The following AXL variants were observed in gnomAD, a reference collection of about 807,000 sequenced individuals.
AXL encodes the protein tyrosine-protein kinase receptor UFO.
AXL carries 52 observed loss-of-function variants against 104.5 expected under a neutral mutation model. That is an observed-to-expected ratio of 0.50 (90% CI 0.40 to 0.63). AXL has a LOEUF of 0.63. Ranked by LOEUF, AXL falls within the 20% of genes least tolerant of loss-of-function variation. AXL has a pLI of 0.00. For missense variants in AXL, 1,024 were observed against 1,188.5 expected, an observed-to-expected ratio of 0.86 and a Z score of 2.04; for synonymous variants, 455 against 473.7, an observed-to-expected ratio of 0.96 and a Z score of 0.51.
chr19:41,259,472 T>C, intron 19 of AXL, 81 bp from the exon 20 acceptor site: 1 of 1,247,210 alleles, frequency 8.0e-7, no homozygotes, highest in Non-Finnish European at 1.1e-6. Flanking sequence ...CCCCTGAGTG[T>C]CCTAAAATGT....
intron 17 of AXL, among the ~76,000 whole-genome samples, chr19:41,254,091 C>T (rs1008818089): frequency 2.0e-5 from 3 of 151,642 alleles, no homozygotes; most frequent in African/African-American, 7.3e-5. Context: ...AATCAAACTC[C>T]CCACCAATGG....
chr19:41,230,412 G>A (rs2033959636), intron 4 of AXL, among the ~76,000 whole-genome samples: 1 of 151,054 alleles, frequency 6.6e-6, no homozygotes, highest in Non-Finnish European at 1.5e-5. Flanking sequence ...TCTATCTGGG[G>A]TGTAAGAGTG....
chr19:41,231,259 CCT>C lies in AXL; in HGVS notation c.745_746del (p.Leu249GlufsTer89). 1 of 1,613,800 alleles carries C rather than the reference CCT, an allele frequency of 6.2e-7. No homozygotes were observed. On this transcript the variant is annotated frameshift_variant, in exon 6 of 20. Transcript: ENST00000301178. LOFTEE classifies it high-confidence loss of function. ...AGCTGGAGGTGGCTTGGACTCCAGG[CCT>C]GAGCGGCATCTACCCCCTGACCCAC... ...TELEVAWTPGLSGIYPLTHCT... is the reference protein window; with the variant it reads ...TELEVAWTPGXSGIYPLTHCT...
At position 41,256,765 on chromosome 19, in the gene AXL, T is replaced by C. The variant is rs2304231; in HGVS notation, c.2196+154T>C. ...CACATGGGCTGGGCATGTCTTGGGG[T>C]ATGGTGGGCATCTCTGAATAGTGGT... On this transcript the variant is annotated intron_variant, in intron 18 of 19. Coordinates refer to ENST00000301178, the MANE Select transcript of AXL (RefSeq NM_021913.5). Among the ~76,000 whole-genome samples the C allele has an allele frequency of 0.15, 22,750 of 152,124 alleles. 1,835 individuals are homozygous for C. Among genetic ancestry groups the C allele is most frequent in the East Asian group, 0.28 (1,429 of 5,162 alleles).
At chr19:41,231,115 G>A (rs2033980162) in intron 5 of AXL, 68 bp downstream of exon 5, 2 of 1,611,256 alleles carry the variant, frequency 1.2e-6, no homozygotes, top group Non-Finnish European at 8.5e-7. Flanking sequence ...TCAGAGTGGG[G>A]GCAGAGAGCA....
chr19:41,259,841 T>C lies in AXL; in HGVS notation c.2622T>C (p.Pro874=), dbSNP rs1445512860. 2 of 1,612,286 alleles carry C rather than the reference T, an allele frequency of 1.2e-6. No homozygotes were observed. The highest frequency in any genetic ancestry group is 8.5e-7 in the Non-Finnish European group (1 of 1,179,022). ...ATGTCCTCTGCCCTTCCACAACCCC[T>C]AGCCCCGCTCAGCCTGCTGATAGGG... ...GRYVLCPSTT[P]SPAQPADRGS... Residue 874 remains proline (P), a synonymous_variant, in exon 20 of 20, where the codon CCT becomes CCC. Transcript: ENST00000301178.
intron 4 of AXL, among the ~76,000 whole-genome samples, chr19:41,225,027 G>A (rs542173405): frequency 3.9e-5 from 6 of 152,068 alleles, no homozygotes; most frequent in Admixed American, 6.6e-5. Context: ...GTTTTGAGAC[G>A]GAGTCTCACT....
intron 11 of AXL, 26 bp downstream of exon 11, chr19:41,243,041 T>C (rs2034211311): frequency 1.2e-6 from 2 of 1,613,802 alleles, no homozygotes. Context: ...ATGGGGAGGC[T>C]GTGTGGCCTG....
At position 41,222,068 on chromosome 19, in the gene AXL, G is replaced by A. The variant is rs1203775657; in HGVS notation, c.586+12G>A. 2.6e-6 allele frequency: 4 copies of A among 1,533,868 alleles called. No individual in the cohort carries two copies. Among genetic ancestry groups the A allele is most frequent in the African/African-American group, 2.8e-5 (2 of 72,184 alleles). ...CCTGCATGTTCCAGGTGAGTCCGGG[G>A]ATGTGGGTCAGCTCCGAATAGGGGG... On this transcript the variant is annotated intron_variant, in intron 4 of 19. Coordinates refer to ENST00000301178, the MANE Select transcript of AXL (RefSeq NM_021913.5).
In AXL at chr19:41,238,517, C is replaced by T. The variant is rs1339209561; in HGVS notation, c.1042C>T (p.Gln348Ter). Residue 348 changes from glutamine to a stop codon, truncating the protein, a stop_gained, in exon 8 of 20, where the codon CAG becomes TAG. Transcript: ENST00000301178. LOFTEE classifies it high-confidence loss of function. ...ENISATRNGS[Q>*]AFVHWQEPRA... Reference sequence around the variant, plus strand: ...CATTAGTGCTACGCGGAATGGGAGCCAGGCCTTCGTGCATTGGCAAGAGCC... The same window carrying T: ...CATTAGTGCTACGCGGAATGGGAGCTAGGCCTTCGTGCATTGGCAAGAGCC... 6.2e-7 allele frequency: 1 copy of T among 1,613,944 alleles called. No individual in the cohort carries two copies. Among genetic ancestry groups the T allele is most frequent in the African/African-American group, 1.3e-5 (1 of 74,924 alleles).
intron 13 of AXL, 29 bp downstream of exon 13, chr19:41,248,638 C>G: frequency 6.2e-7 from 1 of 1,612,450 alleles, no homozygotes; most frequent in African/African-American, 1.3e-5. Context: ...TACACACATC[C>G]TTCTGAACTT....
intron 14 of AXL, 124 bp downstream of exon 14, chr19:41,248,944 G>A (rs2034316635): frequency 1.0e-6 from 1 of 971,262 alleles, no homozygotes; most frequent in Non-Finnish European, 1.5e-6. Flanking sequence ...TGGAGCCCCT[G>A]CCAGGTACCT....
intron 4 of AXL, among the ~76,000 whole-genome samples, chr19:41,227,117 T>G (rs2033894991): frequency 6.6e-6 from 1 of 151,742 alleles, no homozygotes; most frequent in Non-Finnish European, 1.5e-5. Context: ...AACGAAAAAC[T>G]TGGTCCTTCT....
In AXL at chr19:41,248,778, C is replaced by T. The variant is rs749365539; in HGVS notation, c.1669C>T (p.Gln557Ter). ...FGAVMEGQLN[Q>*]DDSILKVAVK... ...AGCTGTGATGGAAGGCCAGCTCAAC[C>T]AGGACGACTCCATCCTCAAGGTGGC... Residue 557 changes from glutamine to a stop codon, truncating the protein, a stop_gained, in exon 14 of 20, where the codon CAG becomes TAG. Coordinates refer to ENST00000301178, the MANE Select transcript of AXL (RefSeq NM_021913.5). LOFTEE classifies it high-confidence loss of function. The T allele has an allele frequency of 1.2e-6, 2 of 1,613,894 alleles. No individual in the cohort carries two copies. The highest frequency in any genetic ancestry group is 1.7e-6 in the Non-Finnish European group (2 of 1,179,902).
At chr19:41,247,082 C>G (rs926685892) in intron 12 of AXL, among the ~76,000 whole-genome samples, 3 of 152,166 alleles carry the variant, frequency 2.0e-5, no homozygotes, top group African/African-American at 7.2e-5. Context: ...AGAGAATATA[C>G]TATGTGATTC....
chr19:41,240,026 G>A (rs747388879), intron 10 of AXL, among the ~76,000 whole-genome samples: 86 of 150,624 alleles, frequency 5.7e-4, no homozygotes, highest in Non-Finnish European at 9.6e-4. Context: ...ATGGATAGGC[G>A]GGTGAACAGA....
At chr19:41,219,502 C>A in intron 1 of AXL, 25 bp downstream of exon 1, 1 of 1,567,612 alleles carries the variant, frequency 6.4e-7, no homozygotes. Flanking sequence ...CTCCTTGGGG[C>A]AGGGATCCCC....
In AXL at chr19:41,243,690, G is replaced by A. The variant is rs775803336; in HGVS notation, c.1520G>A (p.Arg507Gln). The A allele has an allele frequency of 3.7e-6, 6 of 1,614,000 alleles. No homozygotes were observed. Among genetic ancestry groups the A allele is most frequent in the African/African-American group, 1.3e-5 (1 of 75,018 alleles). ...RYRVRKSYSR[R>Q]TTEATLNSLG... ...CGCGTGCGCAAGTCCTACAGTCGTCGGACCACTGAAGCTACCTGTAAGTGA... is the reference window on the plus strand; with the variant it reads ...CGCGTGCGCAAGTCCTACAGTCGTCAGACCACTGAAGCTACCTGTAAGTGA... Residue 507 changes from arginine (R) to glutamine (Q), a missense_variant, in exon 12 of 20, where the codon CGG becomes CAG. This residue lies in a region of AXL where 523 missense variants were observed against 636.0 expected (regional missense o/e 0.82). Transcript: ENST00000301178.
In AXL at chr19:41,252,757, G is replaced by A; in HGVS notation, c.1805-89G>A. The A allele has an allele frequency of 1.3e-6, 2 of 1,586,960 alleles. 1 individual carries two copies. On this transcript the variant is annotated intron_variant, in intron 15 of 19. Transcript: ENST00000301178. ...ATATGGTGGCCAGATTGGATGGGTA[G>A]TGAGAAGGAGAGGCTGGAGGCTGGC...
Sources: gnomAD v4.1 joint callset for allele counts (sites outside exome capture counted in the v4.1 genomes callset) on GRCh38, gnomAD v4.1.1 for gene constraint, gnomAD v4.1.1 regional missense constraint, MANE v1.5 for transcripts, NCBI Gene and HGNC (gene_info 2026-07-23, HGNC 2026-07-21) for gene names.